The following LRGUK variants were observed in gnomAD, a reference collection of about 807,000 sequenced individuals.
The protein encoded by LRGUK is leucine rich repeats and guanylate kinase domain containing, also known as leucine-rich repeat and guanylate kinase domain-containing protein.
LRGUK carries 65 observed loss-of-function variants against 76.0 expected under a neutral mutation model. That is an observed-to-expected ratio of 0.85 (90% CI 0.70 to 1.05). The LOEUF (loss-of-function observed/expected upper bound fraction) is 1.05. Ranked by LOEUF, LRGUK falls within the 50% of genes least tolerant of loss-of-function variation. The probability of loss-of-function intolerance (pLI) is 0.00; values close to 1 mark genes in which losing one functional copy is unlikely to be tolerated. For missense variants in LRGUK, 758 were observed against 732.8 expected (o/e 1.03, Z -0.40); for synonymous variants, 268 against 265.6 (o/e 1.01, Z -0.09).
intron 18 of LRGUK, among the ~76,000 whole-genome samples, chr7:134,253,507 A>G (rs1247371948): frequency 2.0e-5 from 3 of 152,200 alleles, no homozygotes; most frequent in Non-Finnish European, 4.4e-5. Context: ...CTATCTATTA[A>G]AAGATATGTT....
chr7:134,150,479 C>CAAAAAAAAAAAAAAAAAAAAAA (rs11403705), intron 5 of LRGUK, among the ~76,000 whole-genome samples: 1 of 134,572 alleles, frequency 7.4e-6, no homozygotes, highest in Non-Finnish European at 1.6e-5. Flanking sequence ...AACAAGCAAA[C>CAAAAAAAAAAAAAAAAAAAAAA]AAAAAAAAAA....
chr7:134,139,500 C>T (rs1797676477), exon 3 of LRGUK: 2 of 1,605,374 alleles, frequency 1.2e-6, no homozygotes, highest in African/African-American at 1.3e-5. Context: ...TTGGATCTTT[C>T]AGCGAATAAA....
intron 6 of LRGUK, among the ~76,000 whole-genome samples, chr7:134,159,334 C>T: frequency 7.4e-6 from 1 of 135,462 alleles, no homozygotes; most frequent in East Asian, 2.3e-4. Flanking sequence ...AAGACCCTGC[C>T]TCAAAAAAAA....
downstream of LRGUK, among the ~76,000 whole-genome samples, chr7:134,211,352 C>T (rs1801261478): frequency 6.6e-6 from 1 of 152,224 alleles, no homozygotes; most frequent in African/African-American, 2.4e-5. Flanking sequence ...ATTAAGTTTT[C>T]TTCTCTTCAT....
chr7:134,168,473 C>G (rs1255388796), intron 7 of LRGUK, among the ~76,000 whole-genome samples: 1 of 152,128 alleles, frequency 6.6e-6, no homozygotes, highest in African/African-American at 2.4e-5. Context: ...GATGTTTGAG[C>G]TGCATGGGAT....
chr7:134,140,172 G>A (rs946499264), intron 3 of LRGUK, among the ~76,000 whole-genome samples: 4 of 152,032 alleles, frequency 2.6e-5, no homozygotes, highest in African/African-American at 7.2e-5. Flanking sequence ...GTTTCGTCAT[G>A]TTGGCCAGGA....
intron 16 of LRGUK, among the ~76,000 whole-genome samples, chr7:134,234,458 C>G (rs1563194644): frequency 1.3e-5 from 2 of 152,270 alleles, no homozygotes; most frequent in East Asian, 3.9e-4. Context: ...ACCCTTCCTC[C>G]AAAGTCGTCC....
chr7:134,166,858 C>A (rs1251258423), intron 7 of LRGUK, among the ~76,000 whole-genome samples: 1 of 152,214 alleles, frequency 6.6e-6, no homozygotes, highest in Admixed American at 6.5e-5. Flanking sequence ...CATTACCCCC[C>A]TCTTCACTGA....
At chr7:134,151,483 A>G (rs1480053645) in intron 5 of LRGUK, among the ~76,000 whole-genome samples, 2 of 152,132 alleles carry the variant, frequency 1.3e-5, no homozygotes, top group African/African-American at 4.8e-5. Context: ...ACCTTCCAAT[A>G]GTGAACAAAT....
intron 15 of LRGUK, among the ~76,000 whole-genome samples, chr7:134,221,565 C>T (rs1019996300): frequency 5.9e-5 from 9 of 151,774 alleles, no homozygotes; most frequent in East Asian, 3.9e-4. Flanking sequence ...TGGGTATATT[C>T]GGAGGATATA....
At chr7:134,257,196 A>T (rs1273965785) in intron 18 of LRGUK, among the ~76,000 whole-genome samples, 1 of 152,204 alleles carries the variant, frequency 6.6e-6, no homozygotes, top group Non-Finnish European at 1.5e-5. Flanking sequence ...TTCTTTTAAG[A>T]CGTTGGCCCT....
At chr7:134,215,284 G>T (rs1020866329) in intron 15 of LRGUK, among the ~76,000 whole-genome samples, 1 of 151,324 alleles carries the variant, frequency 6.6e-6, no homozygotes, top group Non-Finnish European at 1.5e-5. Flanking sequence ...TTTCTATGGC[G>T]CTGAATTTCA....
At chr7:134,253,974 C>T (rs535678406) in intron 18 of LRGUK, among the ~76,000 whole-genome samples, 1 of 152,138 alleles carries the variant, frequency 6.6e-6, no homozygotes, top group East Asian at 1.9e-4. Flanking sequence ...ATATTCAATA[C>T]GTGAAGAGTT....
At chr7:134,179,291 A>G (rs1251880293) in intron 10 of LRGUK, among the ~76,000 whole-genome samples, 1 of 152,240 alleles carries the variant, frequency 6.6e-6, no homozygotes, top group Non-Finnish European at 1.5e-5. Context: ...CTGTTGGAGC[A>G]GATGGCCATT....
chr7:134,266,069 C>G (rs984935436), downstream of LRGUK, among the ~76,000 whole-genome samples: 31 of 152,108 alleles, frequency 2.0e-4, no homozygotes, highest in African/African-American at 7.2e-4. Flanking sequence ...CAACAGAGGC[C>G]AAGTGGAGAA....
intron 17 of LRGUK, among the ~76,000 whole-genome samples, chr7:134,247,971 G>A (rs2598266): frequency 0.08 from 12,110 of 151,964 alleles, 1,185 homozygotes; most frequent in African/African-American, 0.23. Context: ...TGATTGTTTC[G>A]GTTCTTTTTA....
chr7:134,249,379 G>A (rs1364344329), intron 18 of LRGUK, among the ~76,000 whole-genome samples: 1 of 152,190 alleles, frequency 6.6e-6, no homozygotes, highest in Admixed American at 6.5e-5. Flanking sequence ...CAGAGGAAGA[G>A]CACAGACATC....
At chr7:134,131,539 A>G (rs1420498566) in intron 1 of LRGUK, among the ~76,000 whole-genome samples, 1 of 152,104 alleles carries the variant, frequency 6.6e-6, no homozygotes, top group Non-Finnish European at 1.5e-5. Flanking sequence ...TTTCCTACCG[A>G]TGAGTTACAG....
At chr7:134,256,492 G>C (rs562465790) in intron 18 of LRGUK, among the ~76,000 whole-genome samples, 4 of 146,786 alleles carry the variant, frequency 2.7e-5, no homozygotes, top group African/African-American at 1.0e-4. Flanking sequence ...TCCACTCCTT[G>C]TCTTTTTCCG....
Sources: gnomAD v4.1 joint callset for allele counts (sites outside exome capture counted in the v4.1 genomes callset) on GRCh38, gnomAD v4.1.1 for gene constraint, MANE v1.5 for transcripts, NCBI Gene and HGNC (gene_info 2026-07-23, HGNC 2026-07-21) for gene names.